The following KIF26B variants were observed in gnomAD, a reference collection of about 807,000 sequenced individuals.
KIF26B encodes kinesin family member 26B, also known as kinesin-like protein KIF26B.
A neutral mutation model predicts 151.2 loss-of-function variants in KIF26B; 63 were observed. That is an observed-to-expected ratio of 0.42 (90% CI 0.34 to 0.51). The LOEUF is 0.51. Among genes scored for constraint, KIF26B ranks in the 20% least tolerant of loss-of-function variants. KIF26B has a pLI of 0.07. For synonymous variants in KIF26B, 1,357 were observed against 1,262.1 expected (o/e 1.08, Z -1.59); for missense variants, 2,813 against 2,913.6 (o/e 0.97, Z 0.79).
chr1:245,229,372 G>A (rs1287069383), intron 2 of KIF26B, among the ~76,000 whole-genome samples: 1 of 152,152 alleles, frequency 6.6e-6, no homozygotes, highest in African/African-American at 2.4e-5. Flanking sequence ...GATCTTCTAA[G>A]AGCAGGATAT....
chr1:245,589,516 A>C (rs548758089), intron 5 of KIF26B, among the ~76,000 whole-genome samples: 1 of 152,258 alleles, frequency 6.6e-6, no homozygotes, highest in Admixed American at 6.5e-5. Flanking sequence ...ATCTCATGGG[A>C]GCTGCACACA....
chr1:245,673,909 GGGAA>G (rs1401761535), intron 10 of KIF26B: 1 of 152,156 alleles, frequency 6.6e-6, no homozygotes, highest in Non-Finnish European at 1.5e-5. Context: ...AAAGTCCCTG[GGGAA>G]GGACAAGAGT....
At chr1:245,270,718 A>G (rs1670843151) in intron 2 of KIF26B, among the ~76,000 whole-genome samples, 2 of 152,190 alleles carry the variant, frequency 1.3e-5, no homozygotes, top group South Asian at 4.1e-4. Context: ...CCCACTGCAC[A>G]GGTTACCTTT....
intron 9 of KIF26B, among the ~76,000 whole-genome samples, chr1:245,640,122 GCTCTCTCTCT>G (rs376565844): frequency 1.9e-5 from 1 of 53,974 alleles, no homozygotes; most frequent in Non-Finnish European, 3.6e-5. Flanking sequence ...ACTAATATTT[GCTCTCTCTCT>G]CTCTCTCTCT....
intron 2 of KIF26B, among the ~76,000 whole-genome samples, chr1:245,175,353 A>C (rs980701756): frequency 6.6e-6 from 1 of 152,054 alleles, no homozygotes; most frequent in Non-Finnish European, 1.5e-5. Flanking sequence ...CTAAGAATGG[A>C]GCTTCAATTT....
At chr1:245,201,237 G>A (rs924138045) in intron 2 of KIF26B, among the ~76,000 whole-genome samples, 4 of 152,138 alleles carry the variant, frequency 2.6e-5, no homozygotes, top group Non-Finnish European at 4.4e-5. Flanking sequence ...AGTTAAACAC[G>A]CAACAAATAG....
intron 4 of KIF26B, among the ~76,000 whole-genome samples, chr1:245,520,128 A>AGCGAGC (rs1661058368): frequency 6.6e-6 from 1 of 151,856 alleles, no homozygotes; most frequent in Non-Finnish European, 1.5e-5. Flanking sequence ...AGAGAGAGAG[A>AGCGAGC]GAGAGAGAGA....
intron 4 of KIF26B, among the ~76,000 whole-genome samples, chr1:245,484,075 G>A (rs1239099789): frequency 1.3e-5 from 2 of 151,648 alleles, no homozygotes; most frequent in Admixed American, 6.6e-5. Context: ...TTAGGCCTGG[G>A]CTGATCCCAC....
chr1:245,463,680 G>A (rs1197156747), intron 4 of KIF26B, among the ~76,000 whole-genome samples: 2 of 152,206 alleles, frequency 1.3e-5, no homozygotes, highest in Non-Finnish European at 2.9e-5. Context: ...CTGTGGTGCA[G>A]CTGCTGTTTG....
intron 4 of KIF26B, among the ~76,000 whole-genome samples, chr1:245,494,858 G>A (rs192369199): frequency 2.6e-4 from 39 of 151,442 alleles, no homozygotes; most frequent in Admixed American, 1.1e-3. Context: ...TAGGCAACAC[G>A]GTGAAACTCT....
intron 9 of KIF26B, among the ~76,000 whole-genome samples, chr1:245,640,847 G>A (rs2043884528): frequency 6.6e-6 from 1 of 152,064 alleles, no homozygotes; most frequent in African/African-American, 2.4e-5. Context: ...AATTTTTGAT[G>A]TCACAAGATC....
At chr1:245,300,969 A>G (rs1270821274) in intron 2 of KIF26B, among the ~76,000 whole-genome samples, 1 of 151,002 alleles carries the variant, frequency 6.6e-6, no homozygotes. Flanking sequence ...AGCTGGGATT[A>G]CAGGTGCGCA....
chr1:245,341,551 G>A (rs1303974602), intron 2 of KIF26B, among the ~76,000 whole-genome samples: 1 of 151,944 alleles, frequency 6.6e-6, no homozygotes, highest in Non-Finnish European at 1.5e-5. Context: ...CAAACTCCTG[G>A]GCTCAAGTGA....
chr1:245,688,514 C>A lies in KIF26B; in HGVS notation c.5531C>A (p.Ala1844Glu). Residue 1844 changes from alanine to glutamate, a missense_variant, in exon 12 of 15, where the codon GCG (alanine) becomes GAG (glutamate). Coordinates refer to ENST00000407071, the MANE Select transcript of KIF26B (RefSeq NM_018012.4). ...CTGGCCGAGGACGAGCCCGCGGCCG[C>A]GCACCTGCTCCCGTCGCCCTACAGC... is the stretch of plus-strand genomic sequence containing the variant. ...GALAEDEPAA[A>E]HLLPSPYSKI... The A allele has an allele frequency of 6.6e-7, 1 of 1,505,304 alleles. No homozygotes were observed. The highest frequency in any genetic ancestry group is 8.8e-7 in the Non-Finnish European group (1 of 1,132,506). The allele number at this position is 1,505,304 out of a possible 1,614,324, so 93.2% of individuals were successfully genotyped here.
intron 2 of KIF26B, among the ~76,000 whole-genome samples, chr1:245,168,288 G>A (rs1203272713): frequency 6.6e-6 from 1 of 152,228 alleles, no homozygotes. Flanking sequence ...CTCCTTGTCC[G>A]TCCAGCCAAG....
Position 245,532,787 on chromosome 1 carries a change from C to A in KIF26B, c.1167-7980C>A, listed in dbSNP as rs116765996. The stretch of plus-strand genomic sequence containing the variant: ...AATCAGGAAAAAAAAAACCCCAGCC[C>A]CATATGCTTTTCAATCTCTAGAGCC... On this transcript the variant is annotated intron_variant, in intron 4 of 14. Transcript: ENST00000407071. 9.0e-3 allele frequency among the ~76,000 whole-genome samples: 1,374 copies of A among 152,162 alleles called. 14 individuals are homozygous for A. The highest frequency in any genetic ancestry group is 0.031 in the African/African-American group (1,281 of 41,516).
At chr1:245,605,240 C>G (rs1273029487) in intron 6 of KIF26B, among the ~76,000 whole-genome samples, 2 of 151,922 alleles carry the variant, frequency 1.3e-5, no homozygotes, top group African/African-American at 2.4e-5. Flanking sequence ...AAGTGCTCAA[C>G]AAATGCGGCT....
intron 4 of KIF26B, among the ~76,000 whole-genome samples, chr1:245,451,585 CTTTTTTTTTTTTT>C (rs58192966): frequency 2.2e-4 from 13 of 58,740 alleles, no homozygotes; most frequent in Admixed American, 2.2e-4. Flanking sequence ...GAAGATCTAT[CTTTTTTTTTTTTT>C]TTTTTTTTTT....
chr1:245,465,505 G>C (rs1659766599), intron 4 of KIF26B, among the ~76,000 whole-genome samples: 1 of 152,166 alleles, frequency 6.6e-6, no homozygotes, highest in African/African-American at 2.4e-5. Context: ...CCAAAGGATG[G>C]AAAGAGCCAC....
Sources: gnomAD v4.1 joint callset for allele counts (sites outside exome capture counted in the v4.1 genomes callset) on GRCh38, gnomAD v4.1.1 for gene constraint, MANE v1.5 for transcripts, NCBI Gene and HGNC (gene_info 2026-07-23, HGNC 2026-07-21) for gene names.